The following IKZF2 variants were observed in gnomAD, a reference collection of about 807,000 sequenced individuals.
The protein encoded by IKZF2 is zinc finger protein Helios.
A neutral mutation model predicts 49.2 loss-of-function variants in IKZF2; 15 were observed. The observed-to-expected ratio is 0.30, with a 90% confidence interval of 0.20 to 0.47. IKZF2 has a LOEUF of 0.47. Among genes scored for constraint, IKZF2 ranks in the 20% least tolerant of loss-of-function variants. The pLI, the probability that IKZF2 is intolerant of heterozygous loss-of-function variation, is 1.00. For synonymous variants in IKZF2, 227 were observed against 221.4 expected, an observed-to-expected ratio of 1.03 and a Z score of -0.23; for missense variants, 567 against 664.6, an observed-to-expected ratio of 0.85 and a Z score of 1.61.
chr2:213,016,117 T>A (rs891949320), intron 7 of IKZF2, among the ~76,000 whole-genome samples: 1 of 152,112 alleles, frequency 6.6e-6, no homozygotes, highest in African/African-American at 2.4e-5. Context: ...ATCTTGTTTC[T>A]ACCACATCGG....
chr2:213,011,009 G>A (rs546300743), intron 8 of IKZF2, among the ~76,000 whole-genome samples: 1 of 152,138 alleles, frequency 6.6e-6, no homozygotes, highest in South Asian at 2.1e-4. Context: ...AGAAAAGAGT[G>A]TGTTTCCAAA....
At chr2:213,134,276 GA>G (rs1381883812) in intron 4 of IKZF2, among the ~76,000 whole-genome samples, 2 of 152,090 alleles carry the variant, frequency 1.3e-5, no homozygotes, top group East Asian at 1.9e-4. Context: ...CCAAGAGGGG[GA>G]AAAAAAGCAG....
At chr2:213,074,079 C>T (rs1040061202) in intron 4 of IKZF2, among the ~76,000 whole-genome samples, 1 of 152,126 alleles carries the variant, frequency 6.6e-6, no homozygotes, top group Admixed American at 6.5e-5. Flanking sequence ...AAAGAAAAAA[C>T]TTTGAAGAGA....
At chr2:213,031,213 C>T (rs1456969668) in intron 6 of IKZF2, among the ~76,000 whole-genome samples, 1 of 152,170 alleles carries the variant, frequency 6.6e-6, no homozygotes, top group Non-Finnish European at 1.5e-5. Flanking sequence ...TTCTTGAGCA[C>T]CTCCAGTATT....
chr2:213,094,046 T>C (rs930832860), intron 4 of IKZF2, among the ~76,000 whole-genome samples: 12 of 152,102 alleles, frequency 7.9e-5, no homozygotes, highest in African/African-American at 2.9e-4. Context: ...GATGTGAACA[T>C]GTGAAAAGGG....
At chr2:213,018,838 T>C (rs977103434) in intron 7 of IKZF2, among the ~76,000 whole-genome samples, 1 of 152,160 alleles carries the variant, frequency 6.6e-6, no homozygotes, top group Non-Finnish European at 1.5e-5. Flanking sequence ...ATATATGCAA[T>C]TTTTACTCAT....
intron 4 of IKZF2, among the ~76,000 whole-genome samples, chr2:213,146,400 A>G (rs967080083): frequency 6.6e-6 from 1 of 152,092 alleles, no homozygotes; most frequent in Non-Finnish European, 1.5e-5. Flanking sequence ...TTTCTAAATG[A>G]TACGGGAATT....
intron 6 of IKZF2, among the ~76,000 whole-genome samples, chr2:213,032,546 C>T (rs571996534): frequency 6.6e-5 from 10 of 152,060 alleles, no homozygotes; most frequent in Non-Finnish European, 1.5e-4. Context: ...CCAGCCTGGG[C>T]AACATGATGA....
chr2:213,034,038 C>T (rs1327546576), intron 6 of IKZF2, among the ~76,000 whole-genome samples: 1 of 152,252 alleles, frequency 6.6e-6, no homozygotes, highest in Non-Finnish European at 1.5e-5. Flanking sequence ...CCTCACCTTG[C>T]ACTTTTATGT....
chr2:213,128,093 T>C (rs2060329517), intron 4 of IKZF2, among the ~76,000 whole-genome samples: 1 of 152,206 alleles, frequency 6.6e-6, no homozygotes, highest in African/African-American at 2.4e-5. Context: ...TTTGTTTGTC[T>C]GTTTAATAAA....
intron 4 of IKZF2, among the ~76,000 whole-genome samples, chr2:213,080,495 G>A (rs1233179729): frequency 1.3e-5 from 2 of 152,020 alleles, no homozygotes; most frequent in South Asian, 2.1e-4. Flanking sequence ...TTATAATTCA[G>A]AAAACTTTGA....
At chr2:213,088,387 T>G (rs1704908991) in intron 4 of IKZF2, among the ~76,000 whole-genome samples, 1 of 152,174 alleles carries the variant, frequency 6.6e-6, no homozygotes, top group Non-Finnish European at 1.5e-5. Flanking sequence ...GTTTAAGTTC[T>G]TTGTAGATTC....
intron 4 of IKZF2, among the ~76,000 whole-genome samples, chr2:213,089,634 T>C (rs1253165446): frequency 6.6e-6 from 1 of 152,146 alleles, no homozygotes; most frequent in Non-Finnish European, 1.5e-5. Context: ...TGACAGATCA[T>C]GGGCCAAAAA....
At chr2:213,076,896 C>T (rs1008989091) in intron 4 of IKZF2, among the ~76,000 whole-genome samples, 8 of 151,824 alleles carry the variant, frequency 5.3e-5, no homozygotes, top group Non-Finnish European at 1.0e-4. Context: ...AGCCAGACTC[C>T]GTCTCCAAAA....
intron 4 of IKZF2, among the ~76,000 whole-genome samples, chr2:213,062,583 C>A (rs1244560044): frequency 6.6e-6 from 1 of 151,528 alleles, no homozygotes; most frequent in Non-Finnish European, 1.5e-5. Flanking sequence ...TTCTTACTTA[C>A]CAAATGAAAA....
intron 6 of IKZF2, among the ~76,000 whole-genome samples, chr2:213,046,065 A>T (rs914954772): frequency 1.4e-5 from 2 of 144,614 alleles, no homozygotes; most frequent in African/African-American, 2.6e-5. Context: ...GTGGTTTTAT[A>T]GTAAAGACAT....
At chr2:213,127,994 T>A (rs554889399) in intron 4 of IKZF2, among the ~76,000 whole-genome samples, 4 of 151,534 alleles carry the variant, frequency 2.6e-5, no homozygotes, top group Admixed American at 2.0e-4. Flanking sequence ...TAGAAAAAGC[T>A]AAATAAAGTT....
intron 5 of IKZF2, among the ~76,000 whole-genome samples, chr2:213,050,591 C>A (rs571013700): frequency 6.6e-6 from 1 of 152,192 alleles, no homozygotes; most frequent in East Asian, 1.9e-4. Context: ...AGCAAAATTT[C>A]CAAATAAAAT....
At chr2:213,084,796 C>T (rs1274743044) in intron 4 of IKZF2, among the ~76,000 whole-genome samples, 1 of 152,072 alleles carries the variant, frequency 6.6e-6, no homozygotes, top group Admixed American at 6.5e-5. Flanking sequence ...ACCTTTAGAG[C>T]CCATCACATA....
Sources: gnomAD v4.1 joint callset for allele counts (sites outside exome capture counted in the v4.1 genomes callset) on GRCh38, gnomAD v4.1.1 for gene constraint, MANE v1.5 for transcripts, NCBI Gene and HGNC (gene_info 2026-07-23, HGNC 2026-07-21) for gene names.